The following SCLT1 variants were observed in gnomAD, a reference collection of about 807,000 sequenced individuals.
SCLT1 encodes the protein sodium channel and clathrin linker 1.
In SCLT1, 78 loss-of-function variants were observed where a neutral mutation model predicts 112.8. The observed-to-expected ratio is 0.69, with a 90% CI of 0.58 to 0.83. The LOEUF (loss-of-function observed/expected upper bound fraction) is 0.83, where lower values mean the gene tolerates loss of function less well. Among genes scored for constraint, SCLT1 ranks in the 40% least tolerant of loss-of-function variants. SCLT1 has a pLI of 0.00. For synonymous variants in SCLT1, 257 were observed against 254.7 expected, an observed-to-expected ratio of 1.01 and a Z score of -0.09; for missense variants, 747 against 770.4, an observed-to-expected ratio of 0.97 and a Z score of 0.36.
chr4:128,919,717 A>C (rs1304642616), intron 18 of SCLT1, among the ~76,000 whole-genome samples: 1 of 149,722 alleles, frequency 6.7e-6, no homozygotes. Flanking sequence ...AGGGGATATT[A>C]CTATTAACCC....
chr4:128,919,562 G>A (rs1735722580), intron 18 of SCLT1, among the ~76,000 whole-genome samples: 1 of 151,932 alleles, frequency 6.6e-6, no homozygotes, highest in Admixed American at 6.6e-5. Context: ...AAAAATCAGA[G>A]TTGAACTGAA....
intron 2 of SCLT1, among the ~76,000 whole-genome samples, chr4:129,080,278 A>C (rs894951002): frequency 4.6e-5 from 7 of 152,188 alleles, no homozygotes; most frequent in African/African-American, 1.7e-4. Flanking sequence ...CAGGCTGTAA[A>C]CTTTCCAAAC....
intron 18 of SCLT1, among the ~76,000 whole-genome samples, chr4:128,920,306 T>C (rs1404786267): frequency 6.6e-6 from 1 of 152,176 alleles, no homozygotes; most frequent in Non-Finnish European, 1.5e-5. Flanking sequence ...CACATTATCA[T>C]CTCAACAGAT....
intron 18 of SCLT1, among the ~76,000 whole-genome samples, chr4:128,899,109 G>A (rs1376628865): frequency 1.3e-5 from 2 of 152,160 alleles, no homozygotes; most frequent in African/African-American, 2.4e-5. Flanking sequence ...GGAGGAGCTG[G>A]TACCATTCCT....
At chr4:128,941,906 TC>T (rs1216318682) in intron 17 of SCLT1, among the ~76,000 whole-genome samples, 1 of 152,038 alleles carries the variant, frequency 6.6e-6, no homozygotes, top group South Asian at 2.1e-4. Context: ...AAGCCAGTTT[TC>T]CCCCCACTGA....
At chr4:128,908,712 T>C (rs181488318) in intron 18 of SCLT1, among the ~76,000 whole-genome samples, 3 of 152,362 alleles carry the variant, frequency 2.0e-5, no homozygotes, top group East Asian at 3.8e-4. Flanking sequence ...GTACCATACA[T>C]TTCCCAGACT....
At chr4:129,052,143 AT>A in intron 2 of SCLT1, among the ~76,000 whole-genome samples, 1 of 152,218 alleles carries the variant, frequency 6.6e-6, no homozygotes. Flanking sequence ...TTATTGAGGA[AT>A]TTCACATTGA....
intron 18 of SCLT1, among the ~76,000 whole-genome samples, chr4:128,893,773 C>T (rs548967930): frequency 2.6e-5 from 4 of 152,190 alleles, no homozygotes; most frequent in Non-Finnish European, 4.4e-5. Flanking sequence ...AATCTCCTGA[C>T]CTCGTGAGCC....
chr4:128,934,845 T>A (rs781649307), intron 18 of SCLT1, among the ~76,000 whole-genome samples: 4 of 151,924 alleles, frequency 2.6e-5, no homozygotes, highest in Non-Finnish European at 5.9e-5. Flanking sequence ...AGTACAAAGA[T>A]CAATAGAAAT....
Position 129,000,794 on chromosome 4 carries a change from G to A in SCLT1, c.427-1000C>T, listed in dbSNP as rs942383581. On this transcript the variant is annotated intron_variant, in intron 6 of 20. Transcript: ENST00000281142. The stretch of plus-strand genomic sequence containing the variant: ...TTGTACATTTTTATAAAGCAAGTGC[G>A]CTTATGTAACCAGCACCCAGTTCAA... Among the ~76,000 whole-genome samples, 4 of 151,786 alleles carry A rather than the reference G, an allele frequency of 2.6e-5. No homozygotes were observed. The East Asian group carries it at 5.8e-4, about 22-fold the overall frequency.
intron 17 of SCLT1, among the ~76,000 whole-genome samples, chr4:128,942,001 T>C (rs1579446051): frequency 6.6e-6 from 1 of 152,100 alleles, no homozygotes; most frequent in East Asian, 1.9e-4. Flanking sequence ...ATTGATCAAG[T>C]TGATTATTCT....
At chr4:129,032,985 A>C (rs1161174342) in intron 5 of SCLT1, among the ~76,000 whole-genome samples, 1 of 152,196 alleles carries the variant, frequency 6.6e-6, no homozygotes, top group Non-Finnish European at 1.5e-5. Context: ...ATTACTGTGT[A>C]TATACCCAAA....
intron 5 of SCLT1, among the ~76,000 whole-genome samples, chr4:129,025,502 G>C (rs956543487): frequency 2.6e-5 from 4 of 152,098 alleles, no homozygotes; most frequent in Admixed American, 6.5e-5. Context: ...CAAATGCTGA[G>C]AGATTTTGTC....
intron 17 of SCLT1, among the ~76,000 whole-genome samples, chr4:128,941,589 T>C (rs892890582): frequency 6.6e-6 from 1 of 152,054 alleles, no homozygotes; most frequent in South Asian, 2.1e-4. Context: ...TCTTTTTGGT[T>C]ATATGCACTA....
intron 18 of SCLT1, among the ~76,000 whole-genome samples, chr4:128,919,006 T>C (rs1228178285): frequency 1.3e-5 from 2 of 152,076 alleles, no homozygotes; most frequent in African/African-American, 2.4e-5. Context: ...ACTGACAGTA[T>C]TAGGCAGATG....
At chr4:128,878,982 C>A (rs761584915) in intron 3 of SCLT1, among the ~76,000 whole-genome samples, 1 of 146,566 alleles carries the variant, frequency 6.8e-6, no homozygotes, top group African/African-American at 2.5e-5. Context: ...AAAAGAGGCT[C>A]ACTCGGGAGG....
chr4:129,043,071 CA>C (rs933269112), intron 4 of SCLT1, among the ~76,000 whole-genome samples: 147 of 148,362 alleles, frequency 9.9e-4, no homozygotes, highest in African/African-American at 3.6e-3. Flanking sequence ...GATTCCATCT[CA>C]AAAAAAAGAA....
intron 8 of SCLT1, among the ~76,000 whole-genome samples, chr4:128,995,396 AT>A (rs1284586497): frequency 6.6e-6 from 1 of 152,114 alleles, no homozygotes; most frequent in Non-Finnish European, 1.5e-5. Context: ...CATGAGAGTT[AT>A]TTTTAATTCC....
At position 129,045,242 on chromosome 4, in the gene SCLT1, A is replaced by T. The variant is rs75703170; in HGVS notation, c.103-1191T>A. On this transcript the variant is annotated intron_variant, in intron 2 of 20. Transcript: ENST00000281142. ...TGTTTTGTTTGCAAATATCCCAAGC[A>T]GCGCCTGCCATACTTTTTTGCTCAA... Among the ~76,000 whole-genome samples, 857 of 152,260 alleles carry T rather than the reference A, an allele frequency of 5.6e-3. 7 individuals are homozygous for T. Among genetic ancestry groups the T allele is most frequent in the African/African-American group, 0.02 (822 of 41,582 alleles).
Sources: allele counts gnomAD v4.1 joint callset (sites outside exome capture counted in the v4.1 genomes callset), GRCh38; gene constraint gnomAD v4.1.1; transcripts MANE v1.5; gene names NCBI Gene and HGNC (gene_info 2026-07-23, HGNC 2026-07-21).